CBLN2: variants seen among roughly 807,000 people sequenced by gnomAD.
The protein encoded by CBLN2 is cerebellin-2.
In CBLN2, 7 loss-of-function variants were observed where a neutral mutation model predicts 15.0. That is an observed-to-expected ratio of 0.47 (90% CI 0.27 to 0.88). The LOEUF is 0.88. Among genes scored for constraint, CBLN2 ranks in the 40% least tolerant of loss-of-function variants. CBLN2 has a pLI of 0.14. For synonymous variants in CBLN2, 149 were observed against 135.2 expected (o/e 1.10, Z -0.71); for missense variants, 242 against 304.5 (o/e 0.79, Z 1.53).
At chr18:72,551,688 A>G (rs998138160) in intron 1 of CBLN2, among the ~76,000 whole-genome samples, 3 of 152,226 alleles carry the variant, frequency 2.0e-5, no homozygotes, top group Non-Finnish European at 2.9e-5. Flanking sequence ...CCCAGCATTA[A>G]TACTGTAACC....
chr18:72,595,138 T>C (rs1209962813), intron 1 of CBLN2, among the ~76,000 whole-genome samples: 1 of 152,050 alleles, frequency 6.6e-6, no homozygotes, highest in Non-Finnish European at 1.5e-5. Flanking sequence ...TTATTTGAAG[T>C]TTACTCCTTT....
At chr18:72,627,004 T>C (rs1464465037) in intron 1 of CBLN2, among the ~76,000 whole-genome samples, 1 of 152,238 alleles carries the variant, frequency 6.6e-6, no homozygotes, top group East Asian at 1.9e-4. Flanking sequence ...TCATGTTGGC[T>C]TTCCCACTCA....
At chr18:72,611,734 C>A (rs942938595) in intron 1 of CBLN2, among the ~76,000 whole-genome samples, 1 of 152,132 alleles carries the variant, frequency 6.6e-6, no homozygotes, top group Non-Finnish European at 1.5e-5. Flanking sequence ...TGGGCAGAAG[C>A]TCTTTAGTTT....
chr18:72,558,638 G>C (rs1326060378), intron 1 of CBLN2, among the ~76,000 whole-genome samples: 1 of 152,188 alleles, frequency 6.6e-6, no homozygotes, highest in Non-Finnish European at 1.5e-5. Flanking sequence ...GTAGGAGTAA[G>C]AAGGGAGAAG....
chr18:72,625,810 C>CTATATATATATA (rs771321456), intron 1 of CBLN2, among the ~76,000 whole-genome samples: 5 of 67,696 alleles, frequency 7.4e-5, no homozygotes, highest in Non-Finnish European at 1.2e-4. Flanking sequence ...CTCTCTCTCT[C>CTATATATATATA]TCTCTCTCTA....
At chr18:72,572,112 G>T (rs925794361) in intron 1 of CBLN2, among the ~76,000 whole-genome samples, 4 of 152,096 alleles carry the variant, frequency 2.6e-5, no homozygotes, top group Non-Finnish European at 4.4e-5. Flanking sequence ...TAGGGTTTGG[G>T]CTCTGAAGAC....
At chr18:72,560,316 G>C (rs576989983) in intron 1 of CBLN2, among the ~76,000 whole-genome samples, 3 of 152,212 alleles carry the variant, frequency 2.0e-5, no homozygotes, top group African/African-American at 7.2e-5. Flanking sequence ...AGGTGCATGA[G>C]TGATCACATG....
At chr18:72,557,606 C>T (rs2069234463) in intron 1 of CBLN2, among the ~76,000 whole-genome samples, 2 of 152,186 alleles carry the variant, frequency 1.3e-5, no homozygotes, top group Admixed American at 1.3e-4. Flanking sequence ...CCTTTGAAAG[C>T]ACATGGGTGG....
chr18:72,623,739 GAAC>G (rs2069716161), intron 1 of CBLN2, among the ~76,000 whole-genome samples: 2 of 152,116 alleles, frequency 1.3e-5, no homozygotes, highest in African/African-American at 2.4e-5. Context: ...CTTGGATTGT[GAAC>G]AACATTACCA....
intron 1 of CBLN2, among the ~76,000 whole-genome samples, chr18:72,598,876 T>A (rs955867066): frequency 3.9e-5 from 6 of 152,182 alleles, no homozygotes; most frequent in African/African-American, 1.2e-4. Context: ...CTGCACTCTC[T>A]CTCCTCTAAG....
intron 1 of CBLN2, among the ~76,000 whole-genome samples, chr18:72,616,060 C>G (rs183576694): frequency 1.3e-5 from 2 of 152,334 alleles, no homozygotes; most frequent in East Asian, 3.9e-4. Flanking sequence ...TCAAACACTA[C>G]TGTGTTCCTG....
At position 72,563,159 on chromosome 18, in the gene CBLN2, T is replaced by TAA. The variant is rs150082477; in HGVS notation, c.16-24389_16-24388dup. On this transcript the variant is annotated intron_variant, in intron 1 of 2. Coordinates refer to the CBLN2 transcript ENST00000581073. ...GAGCATGTGCTATGAATCCAGAGAT[T>TAA]AAATCACAATGGGGTAAAGCCAGAT... Among the ~76,000 whole-genome samples the TAA allele has an allele frequency of 7.4e-3, 1,128 of 152,294 alleles. 18 individuals are homozygous for TAA. Among genetic ancestry groups the TAA allele is most frequent in the East Asian group, 0.037 (193 of 5,186 alleles).
chr18:72,582,558 A>G (rs943565030), intron 1 of CBLN2, among the ~76,000 whole-genome samples: 4 of 152,152 alleles, frequency 2.6e-5, no homozygotes, highest in African/African-American at 9.7e-5. Context: ...TGAGGACAAG[A>G]TTAATAGGAG....
chr18:72,631,145 C>T (rs1429759356), intron 1 of CBLN2: 1 of 152,182 alleles, frequency 6.6e-6, no homozygotes, highest in African/African-American at 2.4e-5. Flanking sequence ...AGTAAAGAGA[C>T]TGCTCCATTC....
At chr18:72,607,825 C>A (rs1158562798) in intron 1 of CBLN2, among the ~76,000 whole-genome samples, 13 of 152,124 alleles carry the variant, frequency 8.5e-5, no homozygotes. Context: ...AATCAGCGAT[C>A]CATTCCCCTC....
chr18:72,584,260 T>C (rs1470879597), intron 1 of CBLN2, among the ~76,000 whole-genome samples: 1 of 152,012 alleles, frequency 6.6e-6, no homozygotes, highest in Non-Finnish European at 1.5e-5. Flanking sequence ...TGTCACTCTT[T>C]ATCATACCAC....
chr18:72,567,005 T>C (rs764889980), intron 1 of CBLN2, among the ~76,000 whole-genome samples: 2 of 152,072 alleles, frequency 1.3e-5, no homozygotes, highest in Non-Finnish European at 2.9e-5. Context: ...GTACTTTTTG[T>C]AGAGATGGAG....
intron 1 of CBLN2, among the ~76,000 whole-genome samples, chr18:72,585,319 AG>A (rs2069435245): frequency 6.6e-6 from 1 of 152,214 alleles, no homozygotes; most frequent in Admixed American, 6.5e-5. Context: ...TCCTGCATCC[AG>A]GAAGAATGAG....
intron 1 of CBLN2, among the ~76,000 whole-genome samples, chr18:72,562,117 T>C (rs571819522): frequency 2.0e-5 from 3 of 152,172 alleles, no homozygotes; most frequent in Non-Finnish European, 4.4e-5. Context: ...GTTTGGGACT[T>C]CATTTACAAC....
Sources: allele counts gnomAD v4.1 joint callset (sites outside exome capture counted in the v4.1 genomes callset), GRCh38; gene constraint gnomAD v4.1.1; transcripts MANE v1.5; gene names NCBI Gene and HGNC (gene_info 2026-07-23, HGNC 2026-07-21).